The following SPOCK3 variants were observed in gnomAD, a reference collection of about 807,000 sequenced individuals.
SPOCK3 encodes testican-3.
In SPOCK3, 30 loss-of-function variants were observed where a neutral mutation model predicts 56.6. The observed-to-expected ratio is 0.53, with a 90% CI of 0.40 to 0.72. The LOEUF (loss-of-function observed/expected upper bound fraction) is 0.72, where lower values mean the gene tolerates loss of function less well. SPOCK3 is among the 30% of genes least tolerant of loss of function. The pLI is 0.00. For synonymous variants in SPOCK3, 196 were observed against 183.3 expected (o/e 1.07, Z -0.56); for missense variants, 527 against 530.0 (o/e 0.99, Z 0.06).
chr4:167,175,563 T>C (rs942455180), intron 2 of SPOCK3, among the ~76,000 whole-genome samples: 1 of 152,150 alleles, frequency 6.6e-6, no homozygotes, highest in Non-Finnish European at 1.5e-5. Context: ...TTAAAGTGAA[T>C]TCATTAGAGT....
At position 166,803,071 on chromosome 4, in the gene SPOCK3, T is replaced by C. The variant is rs190901008; in HGVS notation, c.590-10782A>G. Among the ~76,000 whole-genome samples the C allele has an allele frequency of 4.7e-4, 71 of 152,212 alleles. 1 individual carries two copies. The highest frequency in any genetic ancestry group is 1.6e-3 in the African/African-American group (67 of 41,546). ...TAAAGCACACACACATGAGCACACATGCACATATATCTTCAAAAATTATTC... is the reference window on the plus strand; with the variant it reads ...TAAAGCACACACACATGAGCACACACGCACATATATCTTCAAAAATTATTC... On this transcript the variant is annotated intron_variant, in intron 6 of 10. Transcript: ENST00000357545.
intron 9 of SPOCK3, 45 bp downstream of exon 9, chr4:166,741,952 T>C: frequency 1.5e-6 from 2 of 1,317,460 alleles, no homozygotes; most frequent in Non-Finnish European, 2.2e-6. Context: ...CCTGGGGTTA[T>C]TTATGTAAGC....
intron 2 of SPOCK3, among the ~76,000 whole-genome samples, chr4:167,207,810 TGTATACATATGGTAACTAATCTG>T (rs978133229): frequency 6.6e-6 from 1 of 152,102 alleles, no homozygotes. Context: ...GCATGGCACA[TGTATACATATGGTAACTAATCTG>T]CACATTGTGC....
intron 4 of SPOCK3, among the ~76,000 whole-genome samples, chr4:166,966,782 T>A (rs1481165017): frequency 1.3e-5 from 2 of 152,152 alleles, no homozygotes; most frequent in East Asian, 1.9e-4. Flanking sequence ...ATTTAAAAAA[T>A]TTGACCTTAC....
intron 2 of SPOCK3, among the ~76,000 whole-genome samples, chr4:167,124,844 C>A (rs1762135190): frequency 6.6e-6 from 1 of 152,164 alleles, no homozygotes; most frequent in South Asian, 2.1e-4. Flanking sequence ...TTAAAACTGT[C>A]TTCTCCTTCA....
intron 2 of SPOCK3, among the ~76,000 whole-genome samples, chr4:167,176,733 G>C (rs1347870837): frequency 1.3e-5 from 2 of 152,018 alleles, no homozygotes; most frequent in East Asian, 3.9e-4. Flanking sequence ...AACTGGACAG[G>C]GTAGAAATAA....
chr4:166,889,302 C>T (rs1233998177), intron 5 of SPOCK3, 58 bp from the exon 6 acceptor site: 1 of 1,120,326 alleles, frequency 8.9e-7, no homozygotes, highest in Non-Finnish European at 1.3e-6. Context: ...CAGTAAAACT[C>T]AAGAAATTTT....
intron 3 of SPOCK3, among the ~76,000 whole-genome samples, chr4:167,018,759 T>TG (rs764405584): frequency 2.0e-5 from 3 of 152,002 alleles, no homozygotes; most frequent in Non-Finnish European, 2.9e-5. Flanking sequence ...GTGGTCTGTT[T>TG]GGTCCATTTG....
chr4:167,184,228 T>C (rs1731756837), intron 2 of SPOCK3, among the ~76,000 whole-genome samples: 1 of 152,194 alleles, frequency 6.6e-6, no homozygotes, highest in African/African-American at 2.4e-5. Flanking sequence ...TAACTATTTC[T>C]TTAGTCTGAC....
chr4:167,148,188 A>G (rs927632169), intron 2 of SPOCK3, among the ~76,000 whole-genome samples: 5 of 152,006 alleles, frequency 3.3e-5, no homozygotes, highest in African/African-American at 1.2e-4. Flanking sequence ...ATCACGAGAC[A>G]TTTTTGATTG....
chr4:167,090,181 C>A (rs1758581631), intron 2 of SPOCK3, among the ~76,000 whole-genome samples: 1 of 152,128 alleles, frequency 6.6e-6, no homozygotes, highest in South Asian at 2.1e-4. Context: ...GTAGGTTTAA[C>A]TGTAAGAAAC....
At chr4:167,212,456 TG>T (rs1223719917) in intron 2 of SPOCK3, among the ~76,000 whole-genome samples, 1 of 152,020 alleles carries the variant, frequency 6.6e-6, no homozygotes, top group Non-Finnish European at 1.5e-5. Context: ...TGGCCAGGAC[TG>T]GTCTTGAACT....
intron 2 of SPOCK3, among the ~76,000 whole-genome samples, chr4:167,073,297 G>A (rs757290962): frequency 2.6e-5 from 4 of 151,520 alleles, no homozygotes; most frequent in African/African-American, 4.8e-5. Context: ...ATGCATGTCC[G>A]TCTGATTAAA....
intron 3 of SPOCK3, among the ~76,000 whole-genome samples, chr4:167,007,254 T>C (rs966450647): frequency 6.6e-6 from 1 of 152,110 alleles, no homozygotes. Context: ...CCCCAGAGGG[T>C]ACCAAAATCC....
chr4:167,156,528 A>G (rs1246008166), intron 2 of SPOCK3, among the ~76,000 whole-genome samples: 1 of 152,184 alleles, frequency 6.6e-6, no homozygotes, highest in Non-Finnish European at 1.5e-5. Context: ...ATGTGAAAAG[A>G]TAAACAACAG....
chr4:166,767,412 G>T (rs1259159966), intron 7 of SPOCK3, among the ~76,000 whole-genome samples: 1 of 151,974 alleles, frequency 6.6e-6, no homozygotes, highest in Non-Finnish European at 1.5e-5. Context: ...TGGTTTCAAA[G>T]AACATCTTTA....
chr4:167,098,978 A>G (rs1325080474), intron 2 of SPOCK3, among the ~76,000 whole-genome samples: 1 of 151,898 alleles, frequency 6.6e-6, no homozygotes, highest in East Asian at 1.9e-4. Context: ...TATTTACTTT[A>G]TTGGAATTTA....
chr4:167,129,940 G>A (rs1487437929), intron 2 of SPOCK3, among the ~76,000 whole-genome samples: 1 of 152,118 alleles, frequency 6.6e-6, no homozygotes, highest in Admixed American at 6.5e-5. Flanking sequence ...TCATGAGAGG[G>A]TGTTTTGGTG....
chr4:167,007,680 C>A (rs1251951313), intron 3 of SPOCK3, among the ~76,000 whole-genome samples: 1 of 151,044 alleles, frequency 6.6e-6, no homozygotes, highest in Non-Finnish European at 1.5e-5. Flanking sequence ...AAATCCTTTT[C>A]TTCTTCTGTG....
Sources: gnomAD v4.1 joint callset for allele counts (sites outside exome capture counted in the v4.1 genomes callset) on GRCh38, gnomAD v4.1.1 for gene constraint, MANE v1.5 for transcripts, NCBI Gene and HGNC (gene_info 2026-07-23, HGNC 2026-07-21) for gene names.